CCDC15: variants seen among roughly 807,000 people sequenced by gnomAD.
CCDC15 encodes the protein coiled-coil domain-containing protein 15.
A neutral mutation model predicts 114.5 loss-of-function variants in CCDC15; 105 were observed. The ratio of observed to expected loss-of-function variants is 0.92; its 90% CI spans 0.78 to 1.08. The LOEUF (loss-of-function observed/expected upper bound fraction) is 1.08. CCDC15 is among the 50% of genes least tolerant of loss of function. The probability of loss-of-function intolerance (pLI) is 0.00; values close to 1 mark genes in which losing one functional copy is unlikely to be tolerated. For missense variants in CCDC15, 1,105 were observed against 1,093.6 expected (o/e 1.01, Z -0.15); for synonymous variants, 334 against 377.8 (o/e 0.88, Z 1.34).
At chr11:124,981,901 A>G (rs936583072) in intron 6 of CCDC15, among the ~76,000 whole-genome samples, 1 of 152,196 alleles carries the variant, frequency 6.6e-6, no homozygotes, top group Non-Finnish European at 1.5e-5. Context: ...GATTACAGGC[A>G]TGAGCCATCG....
chr11:124,989,626 C>T (rs1948236232), intron 8 of CCDC15, among the ~76,000 whole-genome samples: 1 of 152,164 alleles, frequency 6.6e-6, no homozygotes, highest in African/African-American at 2.4e-5. Flanking sequence ...CCAGTGTAGC[C>T]ACCTTCATCA....
rs1948815691 is a variant in CCDC15, at chr11:125,041,294, A to G, written c.*583A>G. Reference sequence around the variant, plus strand: ...TGGACATAGGAATTTTTAATTGTGTAATTTTCTGTTGCAAAAAGGGTAAAT... The same window carrying G: ...TGGACATAGGAATTTTTAATTGTGTGATTTTCTGTTGCAAAAAGGGTAAAT... On this transcript the variant is annotated 3_prime_UTR_variant, in exon 16 of 16. Transcript: ENST00000344762. 1 of 152,130 alleles carries G rather than the reference A, an allele frequency of 6.6e-6. No individual in the cohort carries two copies. The highest frequency in any genetic ancestry group is 6.5e-5 in the Admixed American group (1 of 15,270). 9.4% of individuals were successfully genotyped at this position (152,130 alleles called of 1,614,324 possible).
intron 13 of CCDC15, among the ~76,000 whole-genome samples, chr11:125,017,219 T>G (rs1288678793): frequency 1.3e-5 from 2 of 152,180 alleles, no homozygotes; most frequent in Non-Finnish European, 2.9e-5. Context: ...TAGCAGCTAT[T>G]TATTGAGCAT....
At chr11:125,034,872 C>T (rs1157581909) in intron 13 of CCDC15, among the ~76,000 whole-genome samples, 2 of 152,056 alleles carry the variant, frequency 1.3e-5, no homozygotes, top group Non-Finnish European at 2.9e-5. Context: ...CTGTATTACT[C>T]AGGATTCTCT....
At chr11:124,993,766 C>G (rs913381079) in intron 11 of CCDC15, among the ~76,000 whole-genome samples, 2 of 152,142 alleles carry the variant, frequency 1.3e-5, no homozygotes, top group African/African-American at 4.8e-5. Flanking sequence ...CAAAAAAGAT[C>G]ATGATGATCA....
intron 10 of CCDC15, 21 bp from the exon 11 acceptor site, chr11:124,993,148 T>G (rs1948298915): frequency 6.7e-7 from 1 of 1,495,370 alleles, no homozygotes; most frequent in African/African-American, 1.4e-5. Flanking sequence ...CAATCAGTTT[T>G]GTATTTTGTT....
chr11:124,979,153 T>C (rs778169957), intron 6 of CCDC15, among the ~76,000 whole-genome samples: 7 of 152,196 alleles, frequency 4.6e-5, no homozygotes, highest in Non-Finnish European at 7.4e-5. Flanking sequence ...CATTGGTCCA[T>C]GTATCTGTTT....
chr11:124,979,003 A>G (rs1948022826), intron 6 of CCDC15, among the ~76,000 whole-genome samples: 1 of 152,078 alleles, frequency 6.6e-6, no homozygotes, highest in African/African-American at 2.4e-5. Flanking sequence ...TCCAGTTTCA[A>G]TCTTCTGCAT....
At chr11:124,984,709 C>T (rs1388485032) in intron 6 of CCDC15, among the ~76,000 whole-genome samples, 1 of 152,130 alleles carries the variant, frequency 6.6e-6, no homozygotes, top group Non-Finnish European at 1.5e-5. Context: ...GAGCAGGTCT[C>T]TTCTCACTTG....
chr11:125,022,653 G>T (rs1313155830), intron 13 of CCDC15, among the ~76,000 whole-genome samples: 1 of 151,910 alleles, frequency 6.6e-6, no homozygotes, highest in African/African-American at 2.4e-5. Flanking sequence ...CAAAATGGAA[G>T]GCTATAATTC....
At chr11:124,963,190 A>C (rs112249729) in intron 4 of CCDC15, among the ~76,000 whole-genome samples, 8,885 of 152,222 alleles carry the variant, frequency 0.058, 301 homozygotes, top group African/African-American at 0.088. Flanking sequence ...TGGTATTTCT[A>C]GTTCTAGATC....
At chr11:125,018,231 G>A (rs1028384112) in intron 13 of CCDC15, among the ~76,000 whole-genome samples, 1 of 151,822 alleles carries the variant, frequency 6.6e-6, no homozygotes, top group Non-Finnish European at 1.5e-5. Context: ...CTGTATTTTT[G>A]CTGTACTTTT....
chr11:124,958,274 C>T (rs552816490), intron 2 of CCDC15, among the ~76,000 whole-genome samples: 2 of 152,178 alleles, frequency 1.3e-5, no homozygotes, highest in South Asian at 2.1e-4. Flanking sequence ...GTCCAACATG[C>T]GGCCATGGGC....
At chr11:124,964,236 A>G (rs1321572064) in intron 4 of CCDC15, among the ~76,000 whole-genome samples, 3 of 152,136 alleles carry the variant, frequency 2.0e-5, no homozygotes, top group East Asian at 1.9e-4. Flanking sequence ...CTTGGGCAGT[A>G]TGGCCATTTT....
At chr11:124,990,342 A>C (rs531726513) in intron 8 of CCDC15, among the ~76,000 whole-genome samples, 1 of 152,296 alleles carries the variant, frequency 6.6e-6, no homozygotes, top group South Asian at 2.1e-4. Context: ...CTGATCATAG[A>C]TCTCTATACC....
At chr11:125,032,643 C>T (rs1297621437) in intron 13 of CCDC15, among the ~76,000 whole-genome samples, 2 of 152,192 alleles carry the variant, frequency 1.3e-5, no homozygotes, top group Non-Finnish European at 2.9e-5. Context: ...TAGGTAGAGG[C>T]AGCTCTAATG....
chr11:125,027,259 G>A (rs1233463520), intron 13 of CCDC15, among the ~76,000 whole-genome samples: 3 of 152,152 alleles, frequency 2.0e-5, no homozygotes, highest in African/African-American at 4.8e-5. Context: ...GTACCCAGTA[G>A]TGGGATTGCT....
At chr11:125,024,953 T>C (rs1258776941) in intron 13 of CCDC15, among the ~76,000 whole-genome samples, 2 of 140,040 alleles carry the variant, frequency 1.4e-5, no homozygotes, top group African/African-American at 5.6e-5. Context: ...TCCTAGTTTC[T>C]TGAGAATTTT....
At position 124,988,084 on chromosome 11, in the gene CCDC15, C is replaced by T; in HGVS notation, c.1858C>T (p.Gln620Ter). 2.5e-6 allele frequency: 4 copies of T among 1,613,748 alleles called. No individual in the cohort carries two copies. The highest frequency in any genetic ancestry group is 3.4e-6 in the Non-Finnish European group (4 of 1,179,820). ...AGACCTGCATGTTCTCTCCAACGAC[C>T]AGAATATTCTACCCAAATGTCAGGA... Reference protein sequence around the residue: ...PRDLHVLSNDQNILPKCQDQD... With the variant: ...PRDLHVLSND Residue 620 changes from glutamine (Q) to a stop codon, truncating the protein, a stop_gained, in exon 8 of 16, where the codon CAG becomes TAG. Transcript: ENST00000344762. LOFTEE classifies it high-confidence loss of function.
Sources: gnomAD v4.1 joint callset for allele counts (sites outside exome capture counted in the v4.1 genomes callset) on GRCh38, gnomAD v4.1.1 for gene constraint, MANE v1.5 for transcripts, NCBI Gene and HGNC (gene_info 2026-07-23, HGNC 2026-07-21) for gene names.